DLGAP1: variants seen among roughly 807,000 people sequenced by gnomAD.
DLGAP1 encodes disks large-associated protein 1.
DLGAP1 carries 11 observed loss-of-function variants against 90.8 expected under a neutral mutation model. The ratio of observed to expected loss-of-function variants is 0.12; its 90% CI spans 0.08 to 0.20. The LOEUF (loss-of-function observed/expected upper bound fraction) is 0.20, where lower values mean the gene tolerates loss of function less well. DLGAP1 is among the 10% of genes least tolerant of loss of function. DLGAP1 has a pLI of 1.00. For synonymous variants in DLGAP1, 558 were observed against 540.7 expected (o/e 1.03, Z -0.44); for missense variants, 1,050 against 1,333.8 (o/e 0.79, Z 3.31).
At chr18:4,147,319 T>C (rs748821081) in intron 2 of DLGAP1, among the ~76,000 whole-genome samples, 22 of 152,146 alleles carry the variant, frequency 1.4e-4, no homozygotes, top group Non-Finnish European at 2.6e-4. Flanking sequence ...TAGCAAAAAG[T>C]CTTTCGTGAG....
intron 1 of DLGAP1, among the ~76,000 whole-genome samples, chr18:4,449,497 C>T (rs2083763043): frequency 2.6e-5 from 4 of 152,198 alleles, no homozygotes; most frequent in Non-Finnish European, 5.9e-5. Context: ...GTAACACCAT[C>T]CTCAGAGTTA....
At chr18:3,925,402 G>A (rs2072360157) in intron 3 of DLGAP1, among the ~76,000 whole-genome samples, 1 of 151,546 alleles carries the variant, frequency 6.6e-6, no homozygotes, top group African/African-American at 2.4e-5. Context: ...ATGCTAAGAA[G>A]TTCCTACTTA....
intron 2 of DLGAP1, among the ~76,000 whole-genome samples, chr18:4,041,904 A>G (rs2074980781): frequency 6.6e-6 from 1 of 152,230 alleles, no homozygotes; most frequent in African/African-American, 2.4e-5. Flanking sequence ...TCTTTTTGAA[A>G]AGAAAATATG....
intron 5 of DLGAP1, among the ~76,000 whole-genome samples, chr18:3,765,106 A>G (rs1014505411): frequency 8.8e-5 from 13 of 147,408 alleles, no homozygotes; most frequent in Admixed American, 8.1e-4. Context: ...ATCTCCATGC[A>G]CACTTGCAAA....
chr18:3,506,757 C>T (rs1036888125), intron 11 of DLGAP1, among the ~76,000 whole-genome samples: 11 of 152,088 alleles, frequency 7.2e-5, no homozygotes, highest in South Asian at 6.2e-4. Context: ...TTGAGCAACA[C>T]GGCTTTATAT....
chr18:3,797,971 A>G (rs1264165271), intron 5 of DLGAP1, among the ~76,000 whole-genome samples: 2 of 152,156 alleles, frequency 1.3e-5, no homozygotes, highest in Non-Finnish European at 2.9e-5. Context: ...TTATAAGGGG[A>G]AACCCCTATC....
At chr18:4,144,399 C>T (rs2076547840) in intron 2 of DLGAP1, among the ~76,000 whole-genome samples, 1 of 152,180 alleles carries the variant, frequency 6.6e-6, no homozygotes, top group Non-Finnish European at 1.5e-5. Context: ...GCACTGAGTT[C>T]CTATACAAAA....
chr18:3,597,319 A>G, intron 7 of DLGAP1: 1 of 452,906 alleles, frequency 2.2e-6, no homozygotes, highest in Non-Finnish European at 4.3e-6. Flanking sequence ...GGCTATGAAG[A>G]CTCCCTGCCC....
chr18:3,838,425 T>C (rs1471248685), intron 4 of DLGAP1, among the ~76,000 whole-genome samples: 1 of 152,200 alleles, frequency 6.6e-6, no homozygotes, highest in African/African-American at 2.4e-5. Context: ...GTATCTCTGA[T>C]AGTGCCTGGC....
chr18:4,297,321 C>T (rs796941456), intron 1 of DLGAP1, among the ~76,000 whole-genome samples: 8 of 152,128 alleles, frequency 5.3e-5, no homozygotes, highest in African/African-American at 1.9e-4. Context: ...TGTAGAAAAC[C>T]ATCAATGTCT....
intron 7 of DLGAP1, among the ~76,000 whole-genome samples, chr18:3,612,417 A>G (rs1377517686): frequency 6.6e-6 from 1 of 152,228 alleles, no homozygotes; most frequent in East Asian, 1.9e-4. Context: ...AGCCATCAAC[A>G]GTTCCATAAG....
At chr18:4,333,034 G>A (rs1295424601) in intron 1 of DLGAP1, among the ~76,000 whole-genome samples, 1 of 151,920 alleles carries the variant, frequency 6.6e-6, no homozygotes, top group Non-Finnish European at 1.5e-5. Context: ...CTGTGTAACT[G>A]TTTCATAGGT....
chr18:4,284,170 G>T (rs2079624251), intron 1 of DLGAP1, among the ~76,000 whole-genome samples: 1 of 147,156 alleles, frequency 6.8e-6, no homozygotes. Flanking sequence ...CTGCACTCCA[G>T]CCTGGGCAAC....
At chr18:3,599,899 G>A (rs1170725577) in intron 7 of DLGAP1, among the ~76,000 whole-genome samples, 4 of 151,934 alleles carry the variant, frequency 2.6e-5, no homozygotes, top group African/African-American at 9.7e-5. Flanking sequence ...TTACAGGCGT[G>A]AGCCACCATT....
chr18:3,507,976 AT>A (rs2050338089), intron 11 of DLGAP1, among the ~76,000 whole-genome samples: 1 of 152,172 alleles, frequency 6.6e-6, no homozygotes, highest in African/African-American at 2.4e-5. Context: ...ACCTCAGGTG[AT>A]CCGTCTGCCT....
At chr18:4,246,583 AC>A (rs1405042903) in intron 1 of DLGAP1, among the ~76,000 whole-genome samples, 3 of 152,116 alleles carry the variant, frequency 2.0e-5, no homozygotes, top group African/African-American at 7.2e-5. Flanking sequence ...ACAGTGTCAA[AC>A]CCCAGGGTGA....
intron 9 of DLGAP1, among the ~76,000 whole-genome samples, chr18:3,566,731 T>C (rs1265411617): frequency 6.6e-6 from 1 of 152,184 alleles, no homozygotes; most frequent in Non-Finnish European, 1.5e-5. Flanking sequence ...GTAGTTTCTC[T>C]CACCGTAACT....
At chr18:4,103,263 T>C (rs1343614558) in intron 2 of DLGAP1, among the ~76,000 whole-genome samples, 1 of 152,222 alleles carries the variant, frequency 6.6e-6, no homozygotes, top group Admixed American at 6.5e-5. Flanking sequence ...ATATCATAAC[T>C]GTAGAGGAAC....
At chr18:3,588,225 T>C (rs2056008108) in intron 7 of DLGAP1, among the ~76,000 whole-genome samples, 1 of 152,184 alleles carries the variant, frequency 6.6e-6, no homozygotes. Flanking sequence ...TTTGGGAGGC[T>C]GAGGCGGCCA....
Sources: allele counts gnomAD v4.1 joint callset (sites outside exome capture counted in the v4.1 genomes callset), GRCh38; gene constraint gnomAD v4.1.1; transcripts MANE v1.5; gene names NCBI Gene and HGNC (gene_info 2026-07-23, HGNC 2026-07-21).